Variants in PXDNL observed in about 807,000 individuals in gnomAD.
PXDNL encodes the protein peroxidasin like.
PXDNL carries 145 observed loss-of-function variants against 150.8 expected under a neutral mutation model. The ratio of observed to expected loss-of-function variants is 0.96; its 90% CI spans 0.84 to 1.10. The LOEUF is 1.10. Ranked by LOEUF, PXDNL falls within the 50% of genes least tolerant of loss-of-function variation. The pLI, the probability that PXDNL is intolerant of heterozygous loss-of-function variation, is 0.00. For synonymous variants in PXDNL, 757 were observed against 725.7 expected (o/e 1.04, Z -0.69); for missense variants, 2,087 against 1,873.9 (o/e 1.11, Z -2.10).
chr8:51,748,471 A>G (rs920599549), intron 1 of PXDNL, among the ~76,000 whole-genome samples: 7 of 152,152 alleles, frequency 4.6e-5, no homozygotes, highest in African/African-American at 1.4e-4. Flanking sequence ...GCAGAAAGGC[A>G]GGTGGGGTGG....
At chr8:51,622,611 C>T (rs1814280461) in intron 2 of PXDNL, among the ~76,000 whole-genome samples, 1 of 152,172 alleles carries the variant, frequency 6.6e-6, no homozygotes, top group African/African-American at 2.4e-5. Flanking sequence ...TGCGTGATAA[C>T]ATAATAGCCA....
intron 1 of PXDNL, among the ~76,000 whole-genome samples, chr8:51,726,100 A>C (rs1429680942): frequency 1.3e-5 from 2 of 152,260 alleles, no homozygotes; most frequent in Non-Finnish European, 2.9e-5. Flanking sequence ...TAAACATTAC[A>C]GAAAGAAATG....
At chr8:51,555,618 T>C (rs78397247) in intron 4 of PXDNL, among the ~76,000 whole-genome samples, 560 of 152,302 alleles carry the variant, frequency 3.7e-3, no homozygotes, top group African/African-American at 0.013. Flanking sequence ...AGAAACCACA[T>C]TGAATATGGA....
At chr8:51,352,348 C>T (rs1189113175) in intron 19 of PXDNL, among the ~76,000 whole-genome samples, 1 of 152,164 alleles carries the variant, frequency 6.6e-6, no homozygotes, top group African/African-American at 2.4e-5. Context: ...CCTAAAAGTG[C>T]ATCGGTGGAT....
At chr8:51,596,035 G>A (rs1432502324) in intron 2 of PXDNL, among the ~76,000 whole-genome samples, 1 of 152,076 alleles carries the variant, frequency 6.6e-6, no homozygotes, top group East Asian at 1.9e-4. Flanking sequence ...TAGTTTTCCA[G>A]CCCTTGCCAC....
intron 2 of PXDNL, among the ~76,000 whole-genome samples, chr8:51,633,430 G>A (rs1184536651): frequency 7.2e-5 from 11 of 152,082 alleles, no homozygotes; most frequent in Admixed American, 7.2e-4. Context: ...AGATTGCTGG[G>A]TCGAATGGTA....
chr8:51,425,567 C>G (rs1292920333), intron 13 of PXDNL, among the ~76,000 whole-genome samples: 1 of 152,062 alleles, frequency 6.6e-6, no homozygotes, highest in Non-Finnish European at 1.5e-5. Flanking sequence ...GGCGTGGTGG[C>G]TCACACTTGT....
rs1224147534 is a variant in PXDNL at position 51,507,769 on chromosome 8, G to A, written c.381-7999C>T. ...GCTTTTAGTTGTCGCAGCTGGAAGT[G>A]GTGGTGCTACTAGCCTCCAGTGGGG... is the stretch of plus-strand genomic sequence containing the variant. On this transcript the variant is annotated intron_variant, in intron 4 of 22. Coordinates refer to ENST00000356297, the MANE Select transcript of PXDNL (RefSeq NM_144651.5). Among the ~76,000 whole-genome samples the A allele has an allele frequency of 2.0e-5, 3 of 152,170 alleles. No individual in the cohort carries two copies. In the East Asian group the frequency reaches 5.8e-4, roughly 29 times the overall value.
chr8:51,393,632 G>A (rs769890991), intron 17 of PXDNL, among the ~76,000 whole-genome samples: 4 of 152,220 alleles, frequency 2.6e-5, no homozygotes, highest in Admixed American at 6.5e-5. Context: ...GTCACCTTAC[G>A]TGGCAAAAGA....
At chr8:51,404,181 G>A (rs936694529) in intron 17 of PXDNL, among the ~76,000 whole-genome samples, 1 of 152,248 alleles carries the variant, frequency 6.6e-6, no homozygotes, top group Non-Finnish European at 1.5e-5. Flanking sequence ...AGAGTAAGCA[G>A]CAGCAATATT....
At chr8:51,377,379 G>A (rs897653521) in intron 17 of PXDNL, among the ~76,000 whole-genome samples, 8 of 152,060 alleles carry the variant, frequency 5.3e-5, no homozygotes, top group South Asian at 2.1e-4. Flanking sequence ...TCGCTGTCGC[G>A]GCCTCCTCAG....
Position 51,329,173 on chromosome 8 carries a change from A to G in PXDNL, c.4147-8276T>C, listed in dbSNP as rs80334481. ...CCCACTAGAAAGCTGAGGTTTCATC[A>G]GAGGATGATAAAATATTTCCCATCC... is the stretch of plus-strand genomic sequence containing the variant. On this transcript the variant is annotated intron_variant, in intron 21 of 22. Transcript: ENST00000356297. Among the ~76,000 whole-genome samples the G allele has an allele frequency of 2.6e-4, 39 of 152,356 alleles. No individual in the cohort carries two copies. In the East Asian group the frequency reaches 7.5e-3, roughly 29 times the overall value.
At chr8:51,756,482 T>C (rs1461090432) in intron 1 of PXDNL, among the ~76,000 whole-genome samples, 1 of 152,106 alleles carries the variant, frequency 6.6e-6, no homozygotes, top group Non-Finnish European at 1.5e-5. Context: ...TTCAAATTTT[T>C]CTTTGCTGAA....
intron 8 of PXDNL, among the ~76,000 whole-genome samples, chr8:51,463,352 GA>G (rs1390782609): frequency 3.3e-5 from 5 of 152,120 alleles, no homozygotes; most frequent in Non-Finnish European, 5.9e-5. Flanking sequence ...TTTTTAAAAA[GA>G]CCCAATCTTT....
chr8:51,672,252 G>A (rs190270307), intron 1 of PXDNL, among the ~76,000 whole-genome samples: 86 of 152,334 alleles, frequency 5.6e-4, no homozygotes, highest in African/African-American at 1.8e-3. Context: ...AAAGTGCTGG[G>A]ATTAGAGGCA....
intron 1 of PXDNL, among the ~76,000 whole-genome samples, chr8:51,751,936 C>A (rs1355692511): frequency 6.6e-6 from 1 of 152,090 alleles, no homozygotes; most frequent in Non-Finnish European, 1.5e-5. Flanking sequence ...TCTTGTGGCC[C>A]AATAACAAGA....
At chr8:51,758,917 ACT>A (rs373132554) in intron 1 of PXDNL, among the ~76,000 whole-genome samples, 78 of 152,256 alleles carry the variant, frequency 5.1e-4, no homozygotes, top group African/African-American at 1.5e-3. Context: ...CAAAGCAGTG[ACT>A]CTCTCCAGTG....
intron 1 of PXDNL, among the ~76,000 whole-genome samples, chr8:51,657,537 G>A (rs911840329): frequency 7.9e-5 from 12 of 152,044 alleles, no homozygotes; most frequent in Admixed American, 2.6e-4. Context: ...CAGTTTGGTC[G>A]TTTCCAAATT....
chr8:51,411,249 C>T lies in PXDNL; in HGVS notation c.2062+1G>A, dbSNP rs1808632507. On this transcript the variant is annotated splice_donor_variant, in intron 16 of 22. Coordinates refer to ENST00000356297, the MANE Select transcript of PXDNL (RefSeq NM_144651.5). LOFTEE classifies it high-confidence loss of function. ...GAGAATAAAATGGCTTTGTGGCTGA[C>T]CTTTGCCTTCCAAGTCCACAGTGAG... 6.8e-7 allele frequency: 1 copy of T among 1,460,160 alleles called. No homozygotes were observed. Among genetic ancestry groups the T allele is most frequent in the Non-Finnish European group, 9.0e-7 (1 of 1,105,422 alleles). 90.5% of individuals were successfully genotyped at this position (1,460,160 alleles called of 1,614,324 possible).
Sources: gnomAD v4.1 joint callset for allele counts (sites outside exome capture counted in the v4.1 genomes callset) on GRCh38, gnomAD v4.1.1 for gene constraint, MANE v1.5 for transcripts, NCBI Gene and HGNC (gene_info 2026-07-23, HGNC 2026-07-21) for gene names.